The following PITPNB variants were observed in gnomAD, a reference collection of about 807,000 sequenced individuals.
The protein encoded by PITPNB is phosphatidylinositol transfer protein beta.
In PITPNB, 16 loss-of-function variants were observed where a neutral mutation model predicts 45.9. The ratio of observed to expected loss-of-function variants is 0.35; its 90% confidence interval spans 0.24 to 0.53. The LOEUF is 0.53. PITPNB is among the 20% of genes least tolerant of loss of function. The probability of loss-of-function intolerance (pLI) is 0.93; values close to 1 mark genes in which losing one functional copy is unlikely to be tolerated. For synonymous variants in PITPNB, 112 were observed against 108.9 expected, an observed-to-expected ratio of 1.03 and a Z score of -0.18; for missense variants, 188 against 330.5, an observed-to-expected ratio of 0.57 and a Z score of 3.34.
intron 5 of PITPNB, 22 bp downstream of exon 5, chr22:27,897,108 A>G: frequency 6.6e-7 from 1 of 1,525,288 alleles, no homozygotes; most frequent in Non-Finnish European, 9.1e-7. Flanking sequence ...AAAGTATGAG[A>G]CACAAAAATA....
intron 3 of PITPNB, among the ~76,000 whole-genome samples, chr22:27,901,416 G>C (rs1159813046): frequency 2.0e-5 from 3 of 152,092 alleles, no homozygotes; most frequent in Admixed American, 6.5e-5. Flanking sequence ...CCTTCCCACT[G>C]CAGATGAACA....
chr22:27,884,188 C>G (rs556031300), intron 7 of PITPNB, among the ~76,000 whole-genome samples: 1 of 151,960 alleles, frequency 6.6e-6, no homozygotes, highest in East Asian at 1.9e-4. Flanking sequence ...CTGCAGCACT[C>G]GAAGCCCGTA....
intron 3 of PITPNB, among the ~76,000 whole-genome samples, chr22:27,900,760 T>C (rs1477251816): frequency 6.6e-6 from 1 of 152,206 alleles, no homozygotes; most frequent in African/African-American, 2.4e-5. Flanking sequence ...GCCAGGTATA[T>C]ATAATTGAGA....
At position 27,852,257 on chromosome 22, in the gene PITPNB, G is replaced by T. The variant is rs1264014398; in HGVS notation, c.*1445C>A. 6.6e-6 allele frequency: 1 copy of T among 152,166 alleles called. No individual in the cohort carries two copies. Among genetic ancestry groups the T allele is most frequent in the Non-Finnish European group, 1.5e-5 (1 of 68,036 alleles). 9.4% of individuals were successfully genotyped at this position (152,166 alleles called of 1,614,324 possible). A position where few individuals can be genotyped will look rare whatever the true frequency, so the allele number is the denominator to read the frequency against. The stretch of plus-strand genomic sequence containing the variant: ...GACTGCAGGGGTTGGCGTGTTTTAG[G>T]AGGGACAGGAGGTTACAAAAGACAG... On this transcript the variant is annotated 3_prime_UTR_variant, in exon 12 of 12. Transcript: ENST00000335272.
chr22:27,867,906 G>C (rs540555503), intron 8 of PITPNB, among the ~76,000 whole-genome samples: 1 of 151,684 alleles, frequency 6.6e-6, no homozygotes, highest in Non-Finnish European at 1.5e-5. Flanking sequence ...CTTTTTTTTG[G>C]TATCTTCTGT....
At position 27,919,239 on chromosome 22, in the gene PITPNB, G is replaced by A. The variant is rs757834102; in HGVS notation, c.-48C>T. The A allele has an allele frequency of 3.3e-6, 5 of 1,524,284 alleles. No homozygotes were observed. The highest frequency in any genetic ancestry group is 4.5e-6 in the Non-Finnish European group (5 of 1,101,098). The allele number at this position is 1,524,284 out of a possible 1,614,324, so 94.4% of individuals were successfully genotyped here. On this transcript the variant is annotated 5_prime_UTR_variant, in exon 1 of 12. Transcript: ENST00000335272. ...TGCCGCCGATACCACCGCCGCCGCC[G>A]CCGCTACCGCCTCTCACAGCGCCTG...
chr22:27,893,716 A>AT (rs1389603325), intron 7 of PITPNB, among the ~76,000 whole-genome samples: 1 of 149,144 alleles, frequency 6.7e-6, no homozygotes, highest in African/African-American at 2.5e-5. Context: ...AAGCCTCCTC[A>AT]TGTAGCTGGA....
At chr22:27,901,899 A>T (rs570582897) in intron 3 of PITPNB, among the ~76,000 whole-genome samples, 1 of 151,722 alleles carries the variant, frequency 6.6e-6, no homozygotes, top group Non-Finnish European at 1.5e-5. Context: ...AATAATAATA[A>T]ATATATATAT....
intron 3 of PITPNB, among the ~76,000 whole-genome samples, chr22:27,909,059 G>A (rs1935842863): frequency 6.6e-6 from 1 of 152,068 alleles, no homozygotes; most frequent in Non-Finnish European, 1.5e-5. Context: ...ACTTTAAGGA[G>A]TTCCACAAAA....
At chr22:27,870,817 AC>A (rs1934638227) in intron 8 of PITPNB, among the ~76,000 whole-genome samples, 3 of 152,194 alleles carry the variant, frequency 2.0e-5, no homozygotes, top group Admixed American at 2.0e-4. Flanking sequence ...CTATCTTCTT[AC>A]GCTTTATTTC....
chr22:27,904,360 A>G (rs1393166212), intron 3 of PITPNB, among the ~76,000 whole-genome samples: 1 of 152,238 alleles, frequency 6.6e-6, no homozygotes, highest in Admixed American at 6.5e-5. Flanking sequence ...CGCTAAGTGA[A>G]AGAAGTCAAT....
At chr22:27,879,622 T>C (rs1231246266) in intron 7 of PITPNB, among the ~76,000 whole-genome samples, 1 of 152,200 alleles carries the variant, frequency 6.6e-6, no homozygotes, top group Admixed American at 6.5e-5. Context: ...CAAACTCTAC[T>C]ACCAATGAAA....
chr22:27,880,808 G>C (rs1043048933), intron 7 of PITPNB, among the ~76,000 whole-genome samples: 2 of 152,152 alleles, frequency 1.3e-5, no homozygotes, highest in Admixed American at 6.5e-5. Context: ...TTTTAGTAGA[G>C]AGGGGGTTTC....
At chr22:27,880,617 T>C (rs542405492) in intron 7 of PITPNB, among the ~76,000 whole-genome samples, 1 of 152,214 alleles carries the variant, frequency 6.6e-6, no homozygotes, top group South Asian at 2.1e-4. Flanking sequence ...AACATGCTTG[T>C]ACACACCGAT....
chr22:27,857,003 A>T (rs1934192718), intron 10 of PITPNB, among the ~76,000 whole-genome samples: 2 of 152,158 alleles, frequency 1.3e-5, no homozygotes, highest in Non-Finnish European at 2.9e-5. Flanking sequence ...AGTGCCCATG[A>T]TCTGCTCTTG....
rs1419724707 is a variant in PITPNB at position 27,875,478 on chromosome 22, T to G, written c.457-1663A>C. Among the ~76,000 whole-genome samples, 3 of 152,320 alleles carry G rather than the reference T, an allele frequency of 2.0e-5. No homozygotes were observed. In the East Asian group the frequency reaches 5.8e-4, roughly 29 times the overall value. ...CATCCTAAAAATGAATAACTCCACT[T>G]CTGATTGACAAAAGAATCAACTGTG... On this transcript the variant is annotated intron_variant, in intron 7 of 11. Coordinates refer to ENST00000335272, the MANE Select transcript of PITPNB (RefSeq NM_012399.5).
At chr22:27,915,196 A>G (rs1346212860) in intron 1 of PITPNB, among the ~76,000 whole-genome samples, 1 of 152,222 alleles carries the variant, frequency 6.6e-6, no homozygotes, top group Non-Finnish European at 1.5e-5. Context: ...GTTCCAAGAC[A>G]GCAACTTCCT....
chr22:27,905,276 T>C (rs998759868), intron 3 of PITPNB, among the ~76,000 whole-genome samples: 7 of 152,306 alleles, frequency 4.6e-5, no homozygotes, highest in Non-Finnish European at 8.8e-5. Flanking sequence ...GCCTCCCAAG[T>C]AGCTGGGATT....
intron 3 of PITPNB, among the ~76,000 whole-genome samples, chr22:27,901,986 G>C (rs1336440157): frequency 6.6e-6 from 1 of 152,028 alleles, no homozygotes; most frequent in East Asian, 1.9e-4. Context: ...CGCCAGGCCA[G>C]GGGCTGTGTA....
Sources: allele counts gnomAD v4.1 joint callset (sites outside exome capture counted in the v4.1 genomes callset), GRCh38; gene constraint gnomAD v4.1.1; transcripts MANE v1.5; gene names NCBI Gene and HGNC (gene_info 2026-07-23, HGNC 2026-07-21).